The following RAB2A variants were observed in gnomAD, a reference collection of about 807,000 sequenced individuals.
RAB2A encodes the protein ras-related protein Rab-2A.
Under a neutral mutation model 32.5 loss-of-function variants are expected in RAB2A, and 7 were observed. The observed-to-expected ratio is 0.22, with a 90% CI of 0.12 to 0.40. The LOEUF (loss-of-function observed/expected upper bound fraction) is 0.40. Among genes scored for constraint, RAB2A ranks in the 10% least tolerant of loss-of-function variants. The pLI is 1.00. For missense variants in RAB2A, 108 were observed against 260.7 expected (o/e 0.41, Z 4.03); for synonymous variants, 79 against 85.2 (o/e 0.93, Z 0.40).
At chr8:60,518,589 G>T (rs1448035287) in intron 1 of RAB2A, among the ~76,000 whole-genome samples, 2 of 105,232 alleles carry the variant, frequency 1.9e-5, no homozygotes, top group Non-Finnish European at 3.5e-5. Flanking sequence ...CCGGAAGGTG[G>T]AGTTTGCAAA....
At chr8:60,526,056 T>TATATATATATATATATATATA (rs1372267520) in intron 1 of RAB2A, among the ~76,000 whole-genome samples, 4 of 125,542 alleles carry the variant, frequency 3.2e-5, no homozygotes, top group Admixed American at 8.0e-5. Flanking sequence ...TATATATATA[T>TATATATATATATATATATATA]AAGTTTTCTG....
intron 1 of RAB2A, among the ~76,000 whole-genome samples, chr8:60,527,201 G>A (rs1807406375): frequency 6.6e-6 from 1 of 152,106 alleles, no homozygotes; most frequent in South Asian, 2.1e-4. Flanking sequence ...GATCTCGTGA[G>A]AACTCACTGT....
chr8:60,517,265 G>A lies in RAB2A; in HGVS notation c.46+12G>A. ...AATCGGCGACACAGGTGAGGGCCCCGGGCGCGGCCGGGCGGGTGTCGGCGG... is the reference window on the plus strand; with the variant it reads ...AATCGGCGACACAGGTGAGGGCCCCAGGCGCGGCCGGGCGGGTGTCGGCGG... On this transcript the variant is annotated intron_variant, in intron 1 of 7. Transcript: ENST00000262646. 2 of 1,482,116 alleles carry A rather than the reference G, an allele frequency of 1.3e-6. No individual in the cohort carries two copies. The highest frequency in any genetic ancestry group is 1.5e-5 in the African/African-American group (1 of 68,198). The allele number at this position is 1,482,116 out of a possible 1,614,324, so 91.8% of individuals were successfully genotyped here. A position where few individuals can be genotyped will look rare whatever the true frequency, so the allele number is the denominator to read the frequency against.
At chr8:60,571,638 A>G (rs1402512225) in intron 2 of RAB2A, among the ~76,000 whole-genome samples, 1 of 152,200 alleles carries the variant, frequency 6.6e-6, no homozygotes, top group African/African-American at 2.4e-5. Flanking sequence ...AACCAATACT[A>G]TGATATTGAA....
chr8:60,592,703 A>G (rs1265377993), intron 6 of RAB2A, among the ~76,000 whole-genome samples: 1 of 152,124 alleles, frequency 6.6e-6, no homozygotes, highest in African/African-American at 2.4e-5. Context: ...AACACAGTGT[A>G]TTCTTTTATG....
intron 6 of RAB2A, among the ~76,000 whole-genome samples, chr8:60,601,950 T>C (rs936058703): frequency 6.6e-6 from 1 of 152,172 alleles, no homozygotes; most frequent in Non-Finnish European, 1.5e-5. Context: ...TACTGTGGTT[T>C]GAACTGTAGC....
At chr8:60,607,354 G>A (rs918634115) in intron 6 of RAB2A, among the ~76,000 whole-genome samples, 14 of 149,960 alleles carry the variant, frequency 9.3e-5, no homozygotes, top group Admixed American at 2.0e-4. Context: ...GCATGAACCC[G>A]GGAGGTGGAG....
intron 2 of RAB2A, among the ~76,000 whole-genome samples, chr8:60,568,528 G>A (rs796861795): frequency 3.7e-4 from 56 of 152,260 alleles, no homozygotes; most frequent in African/African-American, 1.2e-3. Context: ...CATGAGATAG[G>A]TATTATGAAT....
chr8:60,558,518 A>G, intron 1 of RAB2A: 1 of 494,222 alleles, frequency 2.0e-6, no homozygotes, highest in South Asian at 1.5e-5. Context: ...TTTCACTGTA[A>G]CACAAAAAAC....
intron 5 of RAB2A, among the ~76,000 whole-genome samples, chr8:60,587,184 G>A (rs940473000): frequency 3.9e-5 from 6 of 152,030 alleles, no homozygotes; most frequent in Non-Finnish European, 7.4e-5. Context: ...CAGTAGAGCC[G>A]AATAAGAAGT....
intron 2 of RAB2A, among the ~76,000 whole-genome samples, chr8:60,568,996 A>G (rs115199986): frequency 0.011 from 1,677 of 152,308 alleles, 21 homozygotes; most frequent in African/African-American, 0.036. Context: ...TGGTTTCTAT[A>G]TTTGTTTCTG....
chr8:60,544,289 C>T (rs1389656769), intron 1 of RAB2A, among the ~76,000 whole-genome samples: 1 of 151,454 alleles, frequency 6.6e-6, no homozygotes, highest in African/African-American at 2.4e-5. Context: ...ATCTGCCCAC[C>T]TCAGCCTCCC....
At chr8:60,584,885 C>A in intron 5 of RAB2A, 70 bp downstream of exon 5, 1 of 1,134,906 alleles carries the variant, frequency 8.8e-7, no homozygotes, top group Non-Finnish European at 1.2e-6. Context: ...GACTACTTTC[C>A]TTAACATTTG....
At chr8:60,566,040 A>C (rs1808108015) in intron 2 of RAB2A, among the ~76,000 whole-genome samples, 2 of 152,184 alleles carry the variant, frequency 1.3e-5, no homozygotes, top group Non-Finnish European at 2.9e-5. Context: ...AAAATGTGAA[A>C]GTATTTTCCT....
intron 6 of RAB2A, among the ~76,000 whole-genome samples, chr8:60,613,192 A>G (rs866865535): frequency 5.3e-5 from 8 of 152,172 alleles, no homozygotes; most frequent in Non-Finnish European, 1.2e-4. Context: ...TGAATTGACT[A>G]TAGAGCATTG....
chr8:60,530,041 A>G (rs1028385332), intron 1 of RAB2A, among the ~76,000 whole-genome samples: 18 of 149,920 alleles, frequency 1.2e-4, no homozygotes, highest in African/African-American at 4.2e-4. Flanking sequence ...CATTATCATG[A>G]CTTGCAGCCT....
chr8:60,607,859 T>C (rs992651601), intron 6 of RAB2A, among the ~76,000 whole-genome samples: 1 of 152,216 alleles, frequency 6.6e-6, no homozygotes, highest in African/African-American at 2.4e-5. Context: ...ACCATCTCAT[T>C]ATATTCACCC....
At chr8:60,588,107 T>C (rs1249777249) in intron 5 of RAB2A, among the ~76,000 whole-genome samples, 1 of 152,102 alleles carries the variant, frequency 6.6e-6, no homozygotes, top group Non-Finnish European at 1.5e-5. Context: ...ACTTCTTCTA[T>C]ACAAAAATAA....
At chr8:60,573,016 T>C (rs56123131) in intron 3 of RAB2A, among the ~76,000 whole-genome samples, 18,628 of 152,192 alleles carry the variant, frequency 0.12, 1,523 homozygotes, top group East Asian at 0.26. Flanking sequence ...TCATACCTGC[T>C]TCTGCACTGA....
Sources: allele counts gnomAD v4.1 joint callset (sites outside exome capture counted in the v4.1 genomes callset), GRCh38; gene constraint gnomAD v4.1.1; transcripts MANE v1.5; gene names NCBI Gene and HGNC (gene_info 2026-07-23, HGNC 2026-07-21).